The following IMMP2L variants were observed in gnomAD, a reference collection of about 807,000 sequenced individuals.
The protein encoded by IMMP2L is inner mitochondrial membrane peptidase subunit 2, also known as mitochondrial inner membrane protease subunit 2.
In IMMP2L, 18 loss-of-function variants were observed where a neutral mutation model predicts 19.3. The observed-to-expected ratio is 0.93, with a 90% CI of 0.64 to 1.38. The LOEUF (loss-of-function observed/expected upper bound fraction) is 1.38, where lower values mean the gene tolerates loss of function less well. IMMP2L is among the 40% of genes most tolerant of loss of function. The pLI is 0.00. For missense variants in IMMP2L, 233 were observed against 218.2 expected, an observed-to-expected ratio of 1.07 and a Z score of -0.43; for synonymous variants, 76 against 73.0, an observed-to-expected ratio of 1.04 and a Z score of -0.21.
At chr7:111,273,274 C>T (rs1446700640) in intron 3 of IMMP2L, among the ~76,000 whole-genome samples, 2 of 151,428 alleles carry the variant, frequency 1.3e-5, no homozygotes, top group East Asian at 1.9e-4. Flanking sequence ...AAGACTCCAT[C>T]TCAAAAAAAA....
At chr7:110,910,101 A>C (rs1361130009) in intron 4 of IMMP2L, among the ~76,000 whole-genome samples, 1 of 152,166 alleles carries the variant, frequency 6.6e-6, no homozygotes. Context: ...TTTCAGAGTA[A>C]GCAAACCAGG....
chr7:111,508,792 T>C (rs1027348614), intron 2 of IMMP2L, among the ~76,000 whole-genome samples: 2 of 152,184 alleles, frequency 1.3e-5, no homozygotes, highest in African/African-American at 4.8e-5. Context: ...GAGGAAATCA[T>C]GCCAAATAGG....
chr7:110,945,722 C>T (rs1393284544), intron 4 of IMMP2L, among the ~76,000 whole-genome samples: 4 of 150,764 alleles, frequency 2.7e-5, no homozygotes, highest in Non-Finnish European at 5.9e-5. Flanking sequence ...GCCTTGTAAT[C>T]ACGGAGAGGT....
chr7:111,439,925 T>A (rs1837555389), intron 3 of IMMP2L, among the ~76,000 whole-genome samples: 1 of 151,954 alleles, frequency 6.6e-6, no homozygotes, highest in Admixed American at 6.5e-5. Context: ...TCAACAATGT[T>A]CATAGCATCT....
intron 4 of IMMP2L, among the ~76,000 whole-genome samples, chr7:110,890,099 A>G (rs1316593142): frequency 2.0e-5 from 3 of 152,188 alleles, no homozygotes; most frequent in African/African-American, 7.2e-5. Context: ...TACCTGAACT[A>G]CGCTTCAGTA....
At chr7:110,792,644 C>T (rs1263978840) in intron 5 of IMMP2L, among the ~76,000 whole-genome samples, 2 of 152,214 alleles carry the variant, frequency 1.3e-5, no homozygotes, top group South Asian at 2.1e-4. Flanking sequence ...TGCAGTGGTA[C>T]ATTGATTATT....
intron 5 of IMMP2L, among the ~76,000 whole-genome samples, chr7:110,832,833 T>C (rs1335434047): frequency 7.9e-5 from 12 of 152,074 alleles, no homozygotes; most frequent in Admixed American, 7.9e-4. Flanking sequence ...CATAAACATA[T>C]AGAAATAGAC....
At position 110,758,228 on chromosome 7, in the gene IMMP2L, T is replaced by C. The variant is rs537558037; in HGVS notation, c.409-94507A>G. ...GAGAAGACTGGTTTCTGTACAGTGA[T>C]GTGGGTGAAAATCTGACTGGAGTGG... On this transcript the variant is annotated intron_variant, in intron 5 of 5. Transcript: ENST00000405709. This position sits in a 1 kb window ranked among gnomAD's most constrained non-coding sequence, Gnocchi z 4.6. Among the ~76,000 whole-genome samples the C allele has an allele frequency of 2.0e-5, 3 of 152,096 alleles. No homozygotes were observed. In the South Asian group the frequency reaches 6.2e-4, roughly 32 times the overall value.
chr7:110,775,456 T>A (rs1309055823), intron 5 of IMMP2L, among the ~76,000 whole-genome samples: 2 of 152,060 alleles, frequency 1.3e-5, no homozygotes, highest in African/African-American at 4.8e-5. Context: ...AGAGGGCATT[T>A]GTATGAAGTG....
At chr7:110,824,013 G>T (rs182332421) in intron 5 of IMMP2L, among the ~76,000 whole-genome samples, 223 of 152,168 alleles carry the variant, frequency 1.5e-3, no homozygotes, top group African/African-American at 5.1e-3. Context: ...ACATGAAGTG[G>T]TCATTCACTT....
chr7:111,487,824 T>C (rs1842780201), intron 2 of IMMP2L, among the ~76,000 whole-genome samples: 1 of 152,172 alleles, frequency 6.6e-6, no homozygotes, highest in Non-Finnish European at 1.5e-5. Flanking sequence ...GTGATAGGAT[T>C]ACCATTATAA....
chr7:111,518,010 T>C (rs564249510), intron 2 of IMMP2L, among the ~76,000 whole-genome samples: 9 of 152,264 alleles, frequency 5.9e-5, no homozygotes, highest in Middle Eastern at 3.4e-3. Flanking sequence ...CTATTTTCCA[T>C]TGAATTTACC....
intron 3 of IMMP2L, among the ~76,000 whole-genome samples, chr7:111,206,477 C>G (rs1347267136): frequency 6.6e-6 from 1 of 152,032 alleles, no homozygotes; most frequent in Non-Finnish European, 1.5e-5. Context: ...GAGTAAGTGA[C>G]TGTGCTCTTC....
At chr7:111,110,857 G>C (rs111390784) in intron 3 of IMMP2L, among the ~76,000 whole-genome samples, 7 of 152,190 alleles carry the variant, frequency 4.6e-5, no homozygotes, top group Admixed American at 2.0e-4. Context: ...AAATTTAAGG[G>C]ATTCCAGATC....
chr7:111,345,920 C>T (rs926151083), intron 3 of IMMP2L, among the ~76,000 whole-genome samples: 1 of 152,158 alleles, frequency 6.6e-6, no homozygotes, highest in African/African-American at 2.4e-5. Context: ...ATTCATCTTC[C>T]ACATCTCCAC....
intron 3 of IMMP2L, among the ~76,000 whole-genome samples, chr7:111,152,562 C>A (rs143268232): frequency 0.02 from 3,034 of 152,114 alleles, 48 homozygotes; most frequent in Middle Eastern, 0.048. Context: ...TACATATACC[C>A]AAAGTTATTC....
chr7:111,017,840 A>G (rs1347808832), intron 3 of IMMP2L, among the ~76,000 whole-genome samples: 1 of 152,196 alleles, frequency 6.6e-6, no homozygotes, highest in African/African-American at 2.4e-5. Flanking sequence ...TACAGAGACA[A>G]TGTCAGAGAA....
chr7:111,386,653 A>C (rs1201643202), intron 3 of IMMP2L, among the ~76,000 whole-genome samples: 1 of 152,102 alleles, frequency 6.6e-6, no homozygotes. Flanking sequence ...CTCATGATAA[A>C]CTGTAAATAC....
chr7:111,514,152 C>T (rs1313833061), intron 2 of IMMP2L, among the ~76,000 whole-genome samples: 1 of 152,034 alleles, frequency 6.6e-6, no homozygotes, highest in East Asian at 1.9e-4. Flanking sequence ...GTATTATACA[C>T]TCGAATTTTA....
Sources: gnomAD v4.1 joint callset for allele counts (sites outside exome capture counted in the v4.1 genomes callset) on GRCh38, gnomAD v4.1.1 for gene constraint, Gnocchi (gnomAD v3.1) non-coding constraint, MANE v1.5 for transcripts, NCBI Gene and HGNC (gene_info 2026-07-23, HGNC 2026-07-21) for gene names.